Variants in APP observed in about 807,000 individuals in gnomAD.
APP encodes amyloid-beta precursor protein.
APP carries 31 observed loss-of-function variants against 101.4 expected under a neutral mutation model. That is an observed-to-expected ratio of 0.31 (90% CI 0.23 to 0.41). APP has a LOEUF of 0.41. Ranked by LOEUF, APP falls within the 10% of genes least tolerant of loss-of-function variation. APP has a pLI of 1.00. For missense variants in APP, 839 were observed against 1,003.7 expected, an observed-to-expected ratio of 0.84 and a Z score of 2.22; for synonymous variants, 366 against 364.4, an observed-to-expected ratio of 1.00 and a Z score of -0.05.
At chr21:26,017,062 C>T (rs1334403937) in intron 6 of APP, among the ~76,000 whole-genome samples, 2 of 151,466 alleles carry the variant, frequency 1.3e-5, no homozygotes, top group South Asian at 4.2e-4. Context: ...AGCCGGGCAT[C>T]GTGGCAGGCA....
intron 8 of APP, among the ~76,000 whole-genome samples, chr21:25,983,020 A>G (rs1480732687): frequency 6.6e-6 from 1 of 152,202 alleles, no homozygotes; most frequent in East Asian, 1.9e-4. Context: ...CAAAAGATAT[A>G]TAAACATCAA....
chr21:26,154,627 C>G (rs1254547310), intron 1 of APP, among the ~76,000 whole-genome samples: 1 of 152,124 alleles, frequency 6.6e-6, no homozygotes, highest in Non-Finnish European at 1.5e-5. Context: ...ACGTTAGTAC[C>G]TTAGTAACTA....
At chr21:26,055,029 CA>C (rs1318547755) in intron 3 of APP, among the ~76,000 whole-genome samples, 1 of 152,062 alleles carries the variant, frequency 6.6e-6, no homozygotes. Flanking sequence ...AAAATCTAAG[CA>C]AATCATAGGG....
chr21:26,134,293 A>AG (rs1184176413), intron 1 of APP, among the ~76,000 whole-genome samples: 2 of 152,198 alleles, frequency 1.3e-5, no homozygotes, highest in Non-Finnish European at 2.9e-5. Flanking sequence ...CCACAGGCTG[A>AG]GGGCTCAGTA....
At chr21:25,955,530 T>TA in intron 12 of APP, 97 bp downstream of exon 12, 1 of 1,568,732 alleles carries the variant, frequency 6.4e-7, no homozygotes, top group East Asian at 2.3e-5. Flanking sequence ...AAAACACCTA[T>TA]AGGTGCTCGG....
At chr21:26,084,204 G>A (rs575099090) in intron 3 of APP, among the ~76,000 whole-genome samples, 1 of 149,030 alleles carries the variant, frequency 6.7e-6, no homozygotes, top group South Asian at 2.1e-4. Flanking sequence ...AGCCATGGAG[G>A]ATGACCTACC....
At chr21:26,043,344 T>C (rs189557748) in intron 5 of APP, among the ~76,000 whole-genome samples, 46 of 152,310 alleles carry the variant, frequency 3.0e-4, no homozygotes, top group Non-Finnish European at 6.0e-4. Flanking sequence ...CAAGCGATTC[T>C]CTGGCAGTCT....
At chr21:25,924,883 A>AC (rs2039816552) in intron 13 of APP, among the ~76,000 whole-genome samples, 1 of 149,604 alleles carries the variant, frequency 6.7e-6, no homozygotes, top group Non-Finnish European at 1.5e-5. Flanking sequence ...TGCTATTACT[A>AC]TTTTCTTTCC....
chr21:25,888,235 G>C (rs945390550), intron 17 of APP, among the ~76,000 whole-genome samples: 45 of 152,142 alleles, frequency 3.0e-4, no homozygotes, highest in African/African-American at 9.7e-4. Context: ...TTGAGGGTGA[G>C]AGTGCCTGTT....
At chr21:25,907,612 G>A (rs1038849437) in intron 14 of APP, among the ~76,000 whole-genome samples, 2 of 152,216 alleles carry the variant, frequency 1.3e-5, no homozygotes, top group Non-Finnish European at 2.9e-5. Flanking sequence ...CTTGCTCTCA[G>A]TAGCTTTGAA....
chr21:25,997,399 T>G lies in APP; in HGVS notation c.1051A>C (p.Lys351Gln). 8 of 1,613,624 alleles carry G rather than the reference T, an allele frequency of 5.0e-6. No individual in the cohort carries two copies. Among genetic ancestry groups the G allele is most frequent in the Non-Finnish European group, 6.8e-6 (8 of 1,179,606 alleles). The change falls in exon 8 of 18, where the codon AAG becomes CAG. Residue 351 changes from lysine (K) to glutamine (Q), a missense_variant. By Grantham distance (53) the Lys-to-Gln change is moderately conservative. Coordinates refer to ENST00000346798, the MANE Select transcript of APP (RefSeq NM_000484.4). ...CGGGCAAGAGGTTCCTGGGTAGTCT[T>G]GAGTAAACTTTGGGACACTATGGAA... is the stretch of plus-strand genomic sequence containing the variant. ...CGSAMSQSLLKTTQEPLARDP... is the reference protein window; with the variant it reads ...CGSAMSQSLLQTTQEPLARDP...
chr21:26,027,157 A>G (rs1327497761), intron 5 of APP, among the ~76,000 whole-genome samples: 2 of 152,168 alleles, frequency 1.3e-5, no homozygotes, highest in African/African-American at 4.8e-5. Context: ...GATCCAACCT[A>G]CTTGCACTGA....
intron 11 of APP, among the ~76,000 whole-genome samples, chr21:25,970,109 A>C (rs1221331796): frequency 6.6e-6 from 1 of 152,152 alleles, no homozygotes; most frequent in Non-Finnish European, 1.5e-5. Flanking sequence ...GATTTTTGAC[A>C]GTAAAATATT....
At chr21:25,970,371 T>C (rs1237234575) in intron 11 of APP, among the ~76,000 whole-genome samples, 1 of 152,214 alleles carries the variant, frequency 6.6e-6, no homozygotes, top group East Asian at 1.9e-4. Context: ...GTCCCATCAA[T>C]GTCCATTTAG....
intron 1 of APP, 44 bp from the exon 2 acceptor site, chr21:26,112,190 A>G: frequency 1.3e-6 from 2 of 1,598,958 alleles, no homozygotes; most frequent in Non-Finnish European, 1.7e-6. Flanking sequence ...CATAGCTCCA[A>G]GGCAGAGGCT....
At chr21:25,914,609 A>C (rs944505308) in intron 13 of APP, among the ~76,000 whole-genome samples, 1 of 135,010 alleles carries the variant, frequency 7.4e-6, no homozygotes, top group Non-Finnish European at 1.5e-5. Flanking sequence ...GCTGGAGTGC[A>C]GTGGCGCAAT....
chr21:25,897,783 G>A, intron 15 of APP, 110 bp from the exon 16 acceptor site: 1 of 845,664 alleles, frequency 1.2e-6, no homozygotes, highest in Non-Finnish European at 2.0e-6. Context: ...CCTGAAGTTA[G>A]AAGAAAATTG....
chr21:26,011,386 A>T (rs1413178705), intron 6 of APP, among the ~76,000 whole-genome samples: 1 of 152,082 alleles, frequency 6.6e-6, no homozygotes, highest in Non-Finnish European at 1.5e-5. Flanking sequence ...TTCTGTTCAC[A>T]TATCTAAAGC....
intron 6 of APP, among the ~76,000 whole-genome samples, chr21:26,019,074 T>C (rs1810196819): frequency 1.3e-5 from 2 of 152,272 alleles, no homozygotes; most frequent in African/African-American, 4.8e-5. Flanking sequence ...CTCATTGTAC[T>C]GCATAACTGA....
Sources: gnomAD v4.1 joint callset for allele counts (sites outside exome capture counted in the v4.1 genomes callset) on GRCh38, gnomAD v4.1.1 for gene constraint, MANE v1.5 for transcripts, NCBI Gene and HGNC (gene_info 2026-07-23, HGNC 2026-07-21) for gene names.